Variants in ITFG1 observed in about 807,000 individuals in gnomAD.
The protein encoded by ITFG1 is T-cell immunomodulatory protein.
A neutral mutation model predicts 81.8 loss-of-function variants in ITFG1; 34 were observed. The ratio of observed to expected loss-of-function variants is 0.42; its 90% CI spans 0.32 to 0.55. The LOEUF (loss-of-function observed/expected upper bound fraction) is 0.55, where lower values mean the gene tolerates loss of function less well. ITFG1 is among the 20% of genes least tolerant of loss of function. The pLI is 0.17. For synonymous variants in ITFG1, 285 were observed against 270.6 expected (o/e 1.05, Z -0.52); for missense variants, 672 against 755.4 (o/e 0.89, Z 1.29).
At chr16:47,287,631 G>A (rs1966875218) in intron 10 of ITFG1, among the ~76,000 whole-genome samples, 1 of 152,098 alleles carries the variant, frequency 6.6e-6, no homozygotes, top group African/African-American at 2.4e-5. Context: ...TTGAACTCCT[G>A]GGCTCAAGCA....
chr16:47,208,353 C>T (rs1164881404), intron 14 of ITFG1, among the ~76,000 whole-genome samples: 1 of 152,044 alleles, frequency 6.6e-6, no homozygotes, highest in East Asian at 1.9e-4. Context: ...AAAACTAATC[C>T]ATGTATAAGA....
chr16:47,428,984 T>C, intron 5 of ITFG1, 86 bp from the exon 6 acceptor site: 1 of 733,678 alleles, frequency 1.4e-6, no homozygotes, highest in Non-Finnish European at 2.2e-6. Flanking sequence ...TGCAAAACAC[T>C]TAAATTTATT....
chr16:47,421,600 G>A (rs1361624924), intron 6 of ITFG1, among the ~76,000 whole-genome samples: 1 of 152,052 alleles, frequency 6.6e-6, no homozygotes, highest in Non-Finnish European at 1.5e-5. Flanking sequence ...ACCATGCCCG[G>A]ACTAGCCAGT....
chr16:47,346,689 A>T (rs1394391111), intron 8 of ITFG1, among the ~76,000 whole-genome samples: 1 of 152,218 alleles, frequency 6.6e-6, no homozygotes, highest in Admixed American at 6.5e-5. Context: ...TCCTGGATAT[A>T]CACAACCTAC....
intron 6 of ITFG1, among the ~76,000 whole-genome samples, chr16:47,415,586 CAG>C (rs1185807066): frequency 6.6e-6 from 1 of 152,084 alleles, no homozygotes; most frequent in Non-Finnish European, 1.5e-5. Flanking sequence ...ATAGAAAAAA[CAG>C]AAATGGTTTT....
chr16:47,424,232 C>G (rs1300166685), intron 6 of ITFG1, among the ~76,000 whole-genome samples: 2 of 152,210 alleles, frequency 1.3e-5, no homozygotes, highest in African/African-American at 2.4e-5. Flanking sequence ...GCTATTGAAG[C>G]TTGTGCATGC....
intron 12 of ITFG1, among the ~76,000 whole-genome samples, chr16:47,243,904 G>A (rs1451656389): frequency 6.6e-6 from 1 of 152,180 alleles, no homozygotes; most frequent in Non-Finnish European, 1.5e-5. Flanking sequence ...GGTGGCAGGT[G>A]CCTGTAATCC....
intron 6 of ITFG1, among the ~76,000 whole-genome samples, chr16:47,418,533 G>T (rs1460660413): frequency 6.6e-6 from 1 of 152,066 alleles, no homozygotes; most frequent in East Asian, 1.9e-4. Flanking sequence ...ATAGTTTTGG[G>T]TCATTCATTT....
chr16:47,418,034 ATTTG>A (rs1042563390), intron 6 of ITFG1, among the ~76,000 whole-genome samples: 19 of 152,174 alleles, frequency 1.2e-4, no homozygotes, highest in Admixed American at 4.6e-4. Flanking sequence ...CCTCAGCAGG[ATTTG>A]TTTGAGATTT....
intron 13 of ITFG1, among the ~76,000 whole-genome samples, chr16:47,235,507 A>G (rs551356382): frequency 1.3e-5 from 2 of 152,320 alleles, no homozygotes; most frequent in African/African-American, 4.8e-5. Context: ...GTGAATAGCT[A>G]AAACTGAATA....
chr16:47,345,499 A>G (rs1967841231), intron 8 of ITFG1, among the ~76,000 whole-genome samples: 1 of 152,086 alleles, frequency 6.6e-6, no homozygotes, highest in African/African-American at 2.4e-5. Context: ...GGGTTTCACC[A>G]TGTTGGCCAG....
chr16:47,164,163 GTTTAT>G (rs1160340743), intron 14 of ITFG1, among the ~76,000 whole-genome samples: 1 of 142,126 alleles, frequency 7.0e-6, no homozygotes, highest in Non-Finnish European at 1.5e-5. Flanking sequence ...TTTTGTTACT[GTTTAT>G]TTGTTTAGTG....
At chr16:47,389,116 C>T (rs1968498948) in intron 6 of ITFG1, among the ~76,000 whole-genome samples, 2 of 152,146 alleles carry the variant, frequency 1.3e-5, no homozygotes, top group East Asian at 1.9e-4. Flanking sequence ...CCGGTGATCA[C>T]CTTAATTTAA....
Position 47,184,643 on chromosome 16 carries a change from AG to A in ITFG1, c.1454-21980del. ...CCTGAAGGAAGCGCTAAACATGGAA[AG>A]GAACAACTGGTACCAGCCGCTGCAA... On this transcript the variant is annotated intron_variant, in intron 14 of 17. Coordinates refer to ENST00000320640, the MANE Select transcript of ITFG1 (RefSeq NM_030790.5). Among the ~76,000 whole-genome samples the A allele has an allele frequency of 2.0e-5, 3 of 152,310 alleles. No individual in the cohort carries two copies. The East Asian group carries it at 5.8e-4, about 29-fold the overall frequency.
At chr16:47,261,185 C>A (rs1290049043) in intron 10 of ITFG1, among the ~76,000 whole-genome samples, 1 of 152,180 alleles carries the variant, frequency 6.6e-6, no homozygotes, top group Non-Finnish European at 1.5e-5. Flanking sequence ...CGTTGCATAG[C>A]CATGAAGTCT....
At chr16:47,202,340 C>T (rs1312274660) in intron 14 of ITFG1, 1 of 151,990 alleles carries the variant, frequency 6.6e-6, no homozygotes, top group East Asian at 1.9e-4. Context: ...AATTTAACGT[C>T]GAAAGAAAAT....
chr16:47,329,013 G>A (rs115735687), intron 8 of ITFG1, among the ~76,000 whole-genome samples: 6 of 152,084 alleles, frequency 3.9e-5, no homozygotes, highest in South Asian at 2.1e-4. Flanking sequence ...GAACAGAAAC[G>A]TATTTAAATA....
chr16:47,172,629 T>C (rs943755527), intron 14 of ITFG1, among the ~76,000 whole-genome samples: 1 of 152,164 alleles, frequency 6.6e-6, no homozygotes, highest in African/African-American at 2.4e-5. Flanking sequence ...CCTCTCTTTT[T>C]CTTATACCCT....
chr16:47,426,927 A>G (rs1969028046), intron 6 of ITFG1, among the ~76,000 whole-genome samples: 1 of 152,184 alleles, frequency 6.6e-6, no homozygotes. Flanking sequence ...TACATTATAT[A>G]AAAATGTAAC....
Sources: allele counts gnomAD v4.1 joint callset (sites outside exome capture counted in the v4.1 genomes callset), GRCh38; gene constraint gnomAD v4.1.1; transcripts MANE v1.5; gene names NCBI Gene and HGNC (gene_info 2026-07-23, HGNC 2026-07-21).